DLGAP2: variants seen among roughly 807,000 people sequenced by gnomAD.
DLGAP2 encodes the protein DLG associated protein 2.
A neutral mutation model predicts 100.3 loss-of-function variants in DLGAP2; 26 were observed. The observed-to-expected ratio is 0.26, with a 90% confidence interval of 0.19 to 0.36. DLGAP2 has a LOEUF of 0.36. DLGAP2 is among the 10% of genes least tolerant of loss of function. DLGAP2 has a pLI of 1.00. For missense variants in DLGAP2, 1,858 were observed against 1,453.2 expected, an observed-to-expected ratio of 1.28 and a Z score of -4.53; for synonymous variants, 886 against 630.1, an observed-to-expected ratio of 1.41 and a Z score of -6.08.
At chr8:1,685,501 AAG>A (rs1224725301) in intron 12 of DLGAP2, among the ~76,000 whole-genome samples, 2 of 152,216 alleles carry the variant, frequency 1.3e-5, no homozygotes, top group Non-Finnish European at 2.9e-5. Context: ...GGATCAGACT[AAG>A]AGAATCAACC....
At chr8:1,431,870 A>G (rs1797456131) in intron 3 of DLGAP2, among the ~76,000 whole-genome samples, 1 of 152,112 alleles carries the variant, frequency 6.6e-6, no homozygotes, top group African/African-American at 2.4e-5. Context: ...GCCGGCACCC[A>G]GCACCCCATG....
In DLGAP2 at chr8:1,695,290, G is replaced by A. The variant is rs1799359019; in HGVS notation, c.2797-1857G>A. Among the ~76,000 whole-genome samples the A allele has an allele frequency of 3.3e-5, 5 of 150,362 alleles. No homozygotes were observed. The South Asian group carries it at 1.1e-3, about 32-fold the overall frequency. On this transcript the variant is annotated intron_variant, in intron 13 of 14. Coordinates refer to ENST00000637795, the MANE Select transcript of DLGAP2 (RefSeq NM_001346810.2). ...CATGCCCGGCCCTACAGAAAGAGGG[G>A]GCACAGTCATGCCCGGCCCTACAGA...
chr8:1,138,377 C>T (rs971659311), intron 2 of DLGAP2, among the ~76,000 whole-genome samples: 6 of 152,204 alleles, frequency 3.9e-5, no homozygotes. Flanking sequence ...TGCATGCTTC[C>T]CCCACTGCGA....
intron 2 of DLGAP2, among the ~76,000 whole-genome samples, chr8:945,781 C>T (rs896553843): frequency 6.6e-6 from 1 of 152,060 alleles, no homozygotes; most frequent in Non-Finnish European, 1.5e-5. Flanking sequence ...CTCTCTCTCT[C>T]ACTCTCTCCC....
intron 2 of DLGAP2, among the ~76,000 whole-genome samples, chr8:1,142,169 A>T (rs770577693): frequency 1.3e-5 from 2 of 152,020 alleles, no homozygotes; most frequent in African/African-American, 4.8e-5. Context: ...GGATTTGAAG[A>T]TCTTTAAGGT....
At chr8:1,311,609 A>G (rs1439712637) in intron 3 of DLGAP2, among the ~76,000 whole-genome samples, 5 of 152,206 alleles carry the variant, frequency 3.3e-5, no homozygotes, top group Non-Finnish European at 7.3e-5. Flanking sequence ...CAGGAATGTA[A>G]AAGTGGTTCA....
chr8:1,220,985 TG>T (rs1481024282), intron 2 of DLGAP2, among the ~76,000 whole-genome samples: 5 of 152,220 alleles, frequency 3.3e-5, no homozygotes, highest in Non-Finnish European at 5.9e-5. Flanking sequence ...TTTGAGCCTA[TG>T]GGTGTCTTCA....
intron 3 of DLGAP2, among the ~76,000 whole-genome samples, chr8:1,359,303 G>T (rs981822771): frequency 6.6e-6 from 1 of 152,350 alleles, no homozygotes; most frequent in African/African-American, 2.4e-5. Context: ...CGGTCCATGC[G>T]CCCTGGTTAG....
At chr8:1,619,339 A>G (rs947709683) in intron 6 of DLGAP2, among the ~76,000 whole-genome samples, 3 of 152,244 alleles carry the variant, frequency 2.0e-5, no homozygotes, top group Non-Finnish European at 4.4e-5. Context: ...CCAAGAGGAT[A>G]CGGGTGGAGG....
At chr8:1,132,724 T>A (rs1796320524) in intron 2 of DLGAP2, among the ~76,000 whole-genome samples, 1 of 152,154 alleles carries the variant, frequency 6.6e-6, no homozygotes, top group Non-Finnish European at 1.5e-5. Flanking sequence ...ATAGCAAGGA[T>A]TTTTAAAGGT....
At chr8:990,002 C>T (rs552782806) in intron 2 of DLGAP2, among the ~76,000 whole-genome samples, 128 of 152,136 alleles carry the variant, frequency 8.4e-4, no homozygotes, top group Middle Eastern at 3.4e-3. Context: ...CCTCTCTTGC[C>T]GCTCCCAGCC....
At position 1,148,047 on chromosome 8, in the gene DLGAP2, T is replaced by G. The variant is rs532741143; in HGVS notation, c.74-110804T>G. On this transcript the variant is annotated intron_variant, in intron 2 of 14. Coordinates refer to ENST00000637795, the MANE Select transcript of DLGAP2 (RefSeq NM_001346810.2). ...GAAGAATTTGTATAGTTTATATTATTTATTCTTTAAACATTGGAAATATTT... is the reference window on the plus strand; with the variant it reads ...GAAGAATTTGTATAGTTTATATTATGTATTCTTTAAACATTGGAAATATTT... 2.0e-5 allele frequency among the ~76,000 whole-genome samples: 3 copies of G among 152,206 alleles called. 1 individual carries two copies. In the South Asian group the frequency reaches 6.2e-4, roughly 32 times the overall value.
At chr8:1,222,152 C>T (rs532013479) in intron 2 of DLGAP2, among the ~76,000 whole-genome samples, 3 of 152,332 alleles carry the variant, frequency 2.0e-5, no homozygotes, top group East Asian at 3.9e-4. Context: ...TAAGAAGACA[C>T]ACTGGCTTTT....
chr8:874,916 A>G (rs991286135), intron 1 of DLGAP2, among the ~76,000 whole-genome samples: 1 of 152,126 alleles, frequency 6.6e-6, no homozygotes. Context: ...GTATATATGT[A>G]TGTCTACATA....
At chr8:1,598,946 T>C (rs748909428) in intron 6 of DLGAP2, among the ~76,000 whole-genome samples, 2 of 152,226 alleles carry the variant, frequency 1.3e-5, no homozygotes, top group African/African-American at 2.4e-5. Context: ...CTGGTCCTTT[T>C]AATTGTGATT....
chr8:1,605,402 G>A (rs6990156), intron 6 of DLGAP2, among the ~76,000 whole-genome samples: 9 of 152,114 alleles, frequency 5.9e-5, no homozygotes, highest in African/African-American at 1.9e-4. Flanking sequence ...AAGCAAAGTG[G>A]TCTCCATATT....
intron 4 of DLGAP2, among the ~76,000 whole-genome samples, chr8:1,539,374 A>G (rs910685739): frequency 6.6e-6 from 1 of 152,148 alleles, no homozygotes; most frequent in Non-Finnish European, 1.5e-5. Context: ...AGAGGAAAAC[A>G]GGTTACCACG....
intron 3 of DLGAP2, among the ~76,000 whole-genome samples, chr8:1,341,574 G>T (rs1353290517): frequency 1.3e-5 from 2 of 152,198 alleles, no homozygotes; most frequent in Non-Finnish European, 2.9e-5. Flanking sequence ...GGAGATGACT[G>T]TGGCTGACCC....
intron 4 of DLGAP2, among the ~76,000 whole-genome samples, chr8:1,538,036 A>G (rs1288511049): frequency 6.6e-6 from 1 of 152,048 alleles, no homozygotes; most frequent in South Asian, 2.1e-4. Context: ...GCCTCATGCA[A>G]AGTGCCTGCA....
Sources: gnomAD v4.1 joint callset for allele counts (sites outside exome capture counted in the v4.1 genomes callset) on GRCh38, gnomAD v4.1.1 for gene constraint, MANE v1.5 for transcripts, NCBI Gene and HGNC (gene_info 2026-07-23, HGNC 2026-07-21) for gene names.